TCF20: variants seen among roughly 807,000 people sequenced by gnomAD.
The protein encoded by TCF20 is transcription factor 20.
A neutral mutation model predicts 148.6 loss-of-function variants in TCF20; 3 were observed. The ratio of observed to expected loss-of-function variants is 0.02; its 90% CI spans 0.01 to 0.05. TCF20 has a LOEUF of 0.05. TCF20 is among the 10% of genes least tolerant of loss of function. TCF20 has a pLI of 1.00. For missense variants in TCF20, 2,350 were observed against 2,429.3 expected (o/e 0.97, Z 0.69); for synonymous variants, 1,049 against 909.5 (o/e 1.15, Z -2.76).
chr22:42,164,797 TGGGAGCCTGTTTTCAACATGAAGATG>T (rs1217508905), intron 5 of TCF20, among the ~76,000 whole-genome samples: 1 of 152,178 alleles, frequency 6.6e-6, no homozygotes, highest in Non-Finnish European at 1.5e-5. Flanking sequence ...ACCCAGGAGA[TGGGAGCCTGTTTTCAACATGAAGATG>T]GGGAGCCAAA....
At chr22:42,293,131 G>T (rs1265752580) in intron 1 of TCF20, among the ~76,000 whole-genome samples, 1 of 152,102 alleles carries the variant, frequency 6.6e-6, no homozygotes, top group African/African-American at 2.4e-5. Flanking sequence ...TTCCCTAAAA[G>T]ATTCAATAGT....
chr22:42,307,738 C>T (rs1037816140), intron 1 of TCF20, among the ~76,000 whole-genome samples: 1 of 152,198 alleles, frequency 6.6e-6, no homozygotes, highest in African/African-American at 2.4e-5. Flanking sequence ...GCCACTCACA[C>T]CCCTTGGGCT....
chr22:42,219,690 T>C (rs577162848), intron 1 of TCF20, among the ~76,000 whole-genome samples: 36 of 151,764 alleles, frequency 2.4e-4, no homozygotes, highest in Non-Finnish European at 2.9e-5. Flanking sequence ...ACCCTATCTT[T>C]ATAAAAAATA....
intron 1 of TCF20, among the ~76,000 whole-genome samples, chr22:42,341,172 A>C: frequency 6.6e-6 from 1 of 151,254 alleles, no homozygotes; most frequent in Non-Finnish European, 1.5e-5. Context: ...GGGGATGCAA[A>C]CCCCCCAGTC....
intron 1 of TCF20, among the ~76,000 whole-genome samples, chr22:42,304,791 T>G (rs540289975): frequency 6.6e-6 from 1 of 151,882 alleles, no homozygotes; most frequent in South Asian, 2.1e-4. Flanking sequence ...AGACTTATAC[T>G]GGGGGAGGTC....
intron 1 of TCF20, among the ~76,000 whole-genome samples, chr22:42,311,649 G>A (rs1477184983): frequency 2.0e-5 from 3 of 152,168 alleles, no homozygotes; most frequent in Non-Finnish European, 4.4e-5. Flanking sequence ...TCCCAGCTGG[G>A]AAACCTGCTA....
intron 1 of TCF20, among the ~76,000 whole-genome samples, chr22:42,216,390 G>A (rs1921807425): frequency 6.6e-6 from 1 of 152,100 alleles, no homozygotes; most frequent in African/African-American, 2.4e-5. Flanking sequence ...GCAAATTTTT[G>A]CAGCTTTACT....
chr22:42,249,461 A>G (rs1925186126), intron 1 of TCF20, among the ~76,000 whole-genome samples: 1 of 152,246 alleles, frequency 6.6e-6, no homozygotes. Context: ...TATTCTTTAC[A>G]GCACAATTGA....
At chr22:42,324,788 T>C (rs1188490126) in intron 1 of TCF20, among the ~76,000 whole-genome samples, 1 of 144,390 alleles carries the variant, frequency 6.9e-6, no homozygotes, top group East Asian at 2.1e-4. Flanking sequence ...GCTAATGTCC[T>C]TTTACAGCCA....
chr22:42,261,836 C>T (rs1022322809), intron 1 of TCF20, among the ~76,000 whole-genome samples: 1 of 152,096 alleles, frequency 6.6e-6, no homozygotes, highest in African/African-American at 2.4e-5. Context: ...ACTAAAAATA[C>T]AAAAATTAGC....
rs568621654 is a variant in TCF20, at chr22:42,270,423, G to T, written c.-121C>A. On this transcript the variant is annotated 5_prime_UTR_variant, in exon 1 of 6. Transcript: ENST00000677622. Reference sequence around the variant, plus strand: ...GTGGCGACGGCGGGCGGCGCTGCGCGGGGTGGGGGTGGGGGTGGCTCCGCC... The same window carrying T: ...GTGGCGACGGCGGGCGGCGCTGCGCTGGGTGGGGGTGGGGGTGGCTCCGCC... 6.8e-6 allele frequency among the ~76,000 whole-genome samples: 1 copy of T among 146,834 alleles called. No individual in the cohort carries two copies. The highest frequency in any genetic ancestry group is 2.5e-5 in the African/African-American group (1 of 40,566).
rs1168569661 is a variant in TCF20 at position 42,261,220 on chromosome 22, A to T, written c.-37+9119T>A. Among the ~76,000 whole-genome samples the T allele has an allele frequency of 2.0e-5, 3 of 152,014 alleles. No homozygotes were observed. In the East Asian group the frequency reaches 5.8e-4, roughly 29 times the overall value. ...TGGTCTTCCATTGTATGAACATGCC[A>T]ATTTGTTATCTACTGTCTCGCTGAT... On this transcript the variant is annotated intron_variant, in intron 1 of 5. Coordinates refer to ENST00000677622, the MANE Select transcript of TCF20 (RefSeq NM_001378418.1).
chr22:42,266,851 CA>C (rs1219905434), intron 1 of TCF20, among the ~76,000 whole-genome samples: 4 of 152,204 alleles, frequency 2.6e-5, no homozygotes, highest in African/African-American at 9.7e-5. Flanking sequence ...GATATCTTAC[CA>C]ACTTTGGCAA....
At chr22:42,162,315 C>T (rs1935516743) in intron 5 of TCF20, among the ~76,000 whole-genome samples, 1 of 152,098 alleles carries the variant, frequency 6.6e-6, no homozygotes, top group African/African-American at 2.4e-5. Context: ...ACACTCTTCC[C>T]ATGGCCTCTA....
chr22:42,243,421 G>A (rs1022289132), intron 1 of TCF20, among the ~76,000 whole-genome samples: 2 of 150,336 alleles, frequency 1.3e-5, no homozygotes, highest in African/African-American at 2.4e-5. Flanking sequence ...TGGCCAACAC[G>A]GTGAAACCCT....
At chr22:42,271,684 T>C (rs1022511591), upstream of TCF20, among the ~76,000 whole-genome samples, 7 of 152,190 alleles carry the variant, frequency 4.6e-5, no homozygotes, top group Admixed American at 2.0e-4. Context: ...TTGGATTAGA[T>C]GTCCCTAATG....
chr22:42,242,819 AGAGGTTGCAGTGAGTG>A (rs978854545), intron 1 of TCF20, among the ~76,000 whole-genome samples: 5 of 151,992 alleles, frequency 3.3e-5, no homozygotes, highest in African/African-American at 1.2e-4. Context: ...CCCAGGAGGC[AGAGGTTGCAGTGAGTG>A]GAGATCGCAC....
At position 42,211,419 on chromosome 22, in the gene TCF20, A is replaced by C. The variant is rs1161086332; in HGVS notation, c.3887T>G (p.Phe1296Cys). 6 of 1,614,174 alleles carry C rather than the reference A, an allele frequency of 3.7e-6. No individual in the cohort carries two copies. The highest frequency in any genetic ancestry group is 5.1e-6 in the Non-Finnish European group (6 of 1,180,044). The change falls in exon 2 of 6, where the codon TTC becomes TGC. Residue 1296 changes from phenylalanine to cysteine, a missense_variant. Physicochemically the swap from Phe to Cys is radical, Grantham distance 205. Coordinates refer to ENST00000677622, the MANE Select transcript of TCF20 (RefSeq NM_001378418.1). ...HSSKEGADKA[F>C]NSYAHLSHSQ... ...GTGAGAAAGATGGGCATAGGAATTGAATGCTTTATCAGCGCCTTCTTTTGA... is the reference window on the plus strand; with the variant it reads ...GTGAGAAAGATGGGCATAGGAATTGCATGCTTTATCAGCGCCTTCTTTTGA...
upstream of TCF20, among the ~76,000 whole-genome samples, chr22:42,288,766 G>GCT (rs147818513): frequency 0.016 from 2,353 of 146,198 alleles, 81 homozygotes; most frequent in African/African-American, 0.057. Context: ...CAGAGTGTCT[G>GCT]CTCTGTTCCT....
Sources: allele counts gnomAD v4.1 joint callset (sites outside exome capture counted in the v4.1 genomes callset), GRCh38; gene constraint gnomAD v4.1.1; transcripts MANE v1.5; gene names NCBI Gene and HGNC (gene_info 2026-07-23, HGNC 2026-07-21).